Variants in PALM2AKAP2 observed in about 807,000 individuals in gnomAD.
PALM2AKAP2 encodes the protein PALM2 and AKAP2 fusion.
PALM2AKAP2 carries 37 observed loss-of-function variants against 71.5 expected under a neutral mutation model. That is an observed-to-expected ratio of 0.52 (90% confidence interval 0.40 to 0.68). The LOEUF (loss-of-function observed/expected upper bound fraction) is 0.68, where lower values mean the gene tolerates loss of function less well. Among genes scored for constraint, PALM2AKAP2 ranks in the 30% least tolerant of loss-of-function variants. PALM2AKAP2 has a pLI of 0.00. For synonymous variants in PALM2AKAP2, 468 were observed against 478.8 expected, an observed-to-expected ratio of 0.98 and a Z score of 0.29; for missense variants, 1,224 against 1,191.8, an observed-to-expected ratio of 1.03 and a Z score of -0.40.
chr9:109,832,290 A>G (rs1288805647), intron 1 of PALM2AKAP2, among the ~76,000 whole-genome samples: 1 of 152,240 alleles, frequency 6.6e-6, no homozygotes, highest in African/African-American at 2.4e-5. Context: ...CTAGTGTGTA[A>G]ACATAGCTGA....
intron 6 of PALM2AKAP2, among the ~76,000 whole-genome samples, chr9:109,969,213 G>A (rs2132146455): frequency 6.6e-6 from 1 of 152,254 alleles, no homozygotes; most frequent in East Asian, 1.9e-4. Flanking sequence ...GAAGGAACAG[G>A]GTTTGCAAAA....
At chr9:109,717,289 T>A (rs1828339164) in intron 1 of PALM2AKAP2, among the ~76,000 whole-genome samples, 1 of 152,134 alleles carries the variant, frequency 6.6e-6, no homozygotes, top group Admixed American at 6.5e-5. Flanking sequence ...GGGTCTAGCC[T>A]AGGGGTGGAG....
chr9:110,080,061 C>T (rs1834412782), intron 1 of PALM2AKAP2, among the ~76,000 whole-genome samples: 1 of 96,694 alleles, frequency 1.0e-5, no homozygotes, highest in Non-Finnish European at 1.8e-5. Flanking sequence ...CAGAGCGAGA[C>T]TCTGTCTCAA....
Position 110,137,153 on chromosome 9 carries a change from G to A in PALM2AKAP2, c.1183G>A (p.Ala395Thr), listed in dbSNP as rs187893406. 69 of 1,613,510 alleles carry A rather than the reference G, an allele frequency of 4.3e-5. No homozygotes were observed. In the Admixed American group the frequency reaches 7.8e-4, roughly 18 times the overall value. ...AGCCCCTGCCTCTTCTCATGAACGCGCAAGCATGATTGACAAAGCAAAGGA... is the reference window on the plus strand; with the variant it reads ...AGCCCCTGCCTCTTCTCATGAACGCACAAGCATGATTGACAAAGCAAAGGA... Residue 395 changes from alanine (A) to threonine (T), a missense_variant, in exon 2 of 4, where the codon GCA (alanine) becomes ACA (threonine). Coordinates refer to ENST00000374525, the Ensembl canonical transcript of PALM2AKAP2.
At chr9:109,721,427 A>AGGCC (rs1828403392) in intron 1 of PALM2AKAP2, among the ~76,000 whole-genome samples, 1 of 152,224 alleles carries the variant, frequency 6.6e-6, no homozygotes. Context: ...TTGTCAGAAT[A>AGGCC]TTCCAACTCC....
At chr9:109,862,937 G>T in intron 1 of PALM2AKAP2, 1 of 514,374 alleles carries the variant, frequency 1.9e-6, no homozygotes, top group Non-Finnish European at 3.9e-6. Context: ...TTGGATCATG[G>T]TAGGGGGCCA....
At chr9:109,973,627 A>G (rs1490690526) in intron 6 of PALM2AKAP2, among the ~76,000 whole-genome samples, 1 of 152,262 alleles carries the variant, frequency 6.6e-6, no homozygotes, top group African/African-American at 2.4e-5. Flanking sequence ...GTGAGGATAT[A>G]TAATCCTCCC....
chr9:109,783,017 C>G (rs2795055), intron 1 of PALM2AKAP2, among the ~76,000 whole-genome samples: 79,462 of 151,808 alleles, frequency 0.52, 23,458 homozygotes, highest in African/African-American at 0.8. Flanking sequence ...GGGAAGAAGA[C>G]AATAGGTCCT....
intron 1 of PALM2AKAP2, among the ~76,000 whole-genome samples, chr9:110,080,000 G>C (rs1487964332): frequency 2.0e-5 from 3 of 150,682 alleles, no homozygotes; most frequent in South Asian, 2.1e-4. Context: ...AACCGGGGAG[G>C]TGGAGGTTGC....
chr9:109,676,372 G>A (rs1431906618), intron 1 of PALM2AKAP2, among the ~76,000 whole-genome samples: 1 of 152,160 alleles, frequency 6.6e-6, no homozygotes, highest in East Asian at 1.9e-4. Context: ...AGAGAGTAGC[G>A]TAGATGGAGG....
At chr9:109,720,702 A>C (rs954097352) in intron 1 of PALM2AKAP2, among the ~76,000 whole-genome samples, 1 of 152,222 alleles carries the variant, frequency 6.6e-6, no homozygotes, top group African/African-American at 2.4e-5. Flanking sequence ...AAAACATAAG[A>C]CCAATGGATA....
At chr9:110,145,885 ACTC>A (rs1362845735) in intron 2 of PALM2AKAP2, among the ~76,000 whole-genome samples, 1 of 121,022 alleles carries the variant, frequency 8.3e-6, no homozygotes, top group African/African-American at 3.2e-5. Flanking sequence ...TGTCAGCCTC[ACTC>A]TTCTTTTTTT....
chr9:110,067,579 G>C (rs954810667), intron 1 of PALM2AKAP2, among the ~76,000 whole-genome samples: 8 of 152,136 alleles, frequency 5.3e-5, no homozygotes, highest in African/African-American at 1.9e-4. Flanking sequence ...CTTAAAAAAG[G>C]CATCAATGGC....
At chr9:109,865,679 T>G (rs986704991) in intron 1 of PALM2AKAP2, among the ~76,000 whole-genome samples, 1 of 152,130 alleles carries the variant, frequency 6.6e-6, no homozygotes, top group Admixed American at 6.5e-5. Context: ...GACACTCAAT[T>G]AATATTTGTG....
chr9:109,738,266 C>T (rs1354636780), intron 1 of PALM2AKAP2, among the ~76,000 whole-genome samples: 3 of 152,174 alleles, frequency 2.0e-5, no homozygotes, highest in Non-Finnish European at 4.4e-5. Context: ...CTCACAGTTG[C>T]CCCCAGAGCC....
chr9:109,981,827 A>G (rs183526984), intron 6 of PALM2AKAP2, among the ~76,000 whole-genome samples: 1 of 152,218 alleles, frequency 6.6e-6, no homozygotes, highest in Non-Finnish European at 1.5e-5. Flanking sequence ...AAGGATGTAG[A>G]GAAAAGGGAA....
At chr9:109,890,190 C>T (rs1235653593) in intron 3 of PALM2AKAP2, among the ~76,000 whole-genome samples, 2 of 152,202 alleles carry the variant, frequency 1.3e-5, no homozygotes, top group Non-Finnish European at 2.9e-5. Context: ...TGTCTCAGTC[C>T]TTTCCAGCGA....
intron 1 of PALM2AKAP2, among the ~76,000 whole-genome samples, chr9:109,642,487 A>G (rs909328965): frequency 6.7e-6 from 1 of 149,186 alleles, no homozygotes; most frequent in African/African-American, 2.5e-5. Flanking sequence ...TTCAACGGCA[A>G]AAACCGCAAA....
intron 1 of PALM2AKAP2, among the ~76,000 whole-genome samples, chr9:110,130,911 C>T (rs972279891): frequency 1.3e-5 from 2 of 152,194 alleles, no homozygotes; most frequent in Non-Finnish European, 2.9e-5. Flanking sequence ...TGCTAATTGA[C>T]AGGCCACTAA....
Sources: allele counts gnomAD v4.1 joint callset (sites outside exome capture counted in the v4.1 genomes callset), GRCh38; gene constraint gnomAD v4.1.1; transcripts MANE v1.5; gene names NCBI Gene and HGNC (gene_info 2026-07-23, HGNC 2026-07-21).